EEA1: variants seen among roughly 807,000 people sequenced by gnomAD.
EEA1 encodes the protein early endosome antigen 1.
In EEA1, 111 loss-of-function variants were observed where a neutral mutation model predicts 209.2. The ratio of observed to expected loss-of-function variants is 0.53; its 90% CI spans 0.45 to 0.62. EEA1 has a LOEUF of 0.62. Among genes scored for constraint, EEA1 ranks in the 20% least tolerant of loss-of-function variants. EEA1 has a pLI of 0.00. For missense variants in EEA1, 1,343 were observed against 1,530.8 expected (o/e 0.88, Z 2.05); for synonymous variants, 536 against 540.6 (o/e 0.99, Z 0.12).
chr12:92,849,264 T>TGA (rs1877512632), intron 9 of EEA1, among the ~76,000 whole-genome samples: 3 of 152,218 alleles, frequency 2.0e-5, no homozygotes, highest in Non-Finnish European at 4.4e-5. Context: ...GAGTGTATTT[T>TGA]TTTTTAATTT....
At chr12:92,886,998 C>CAAAAACAAACA (rs34619189) in intron 2 of EEA1, among the ~76,000 whole-genome samples, 12 of 149,896 alleles carry the variant, frequency 8.0e-5, no homozygotes, top group Admixed American at 8.0e-4. Context: ...GACTCCATCT[C>CAAAAACAAACA]AACAAACAAA....
Position 92,832,813 on chromosome 12 carries a change from T to C in EEA1, c.953A>G (p.Tyr318Cys). 5 of 1,612,836 alleles carry C rather than the reference T, an allele frequency of 3.1e-6. No homozygotes were observed. Among genetic ancestry groups the C allele is most frequent in the Non-Finnish European group, 3.4e-6 (4 of 1,179,768 alleles). The change falls in exon 11 of 29, where the codon TAT (tyrosine) becomes TGT (cysteine). Residue 318 changes from tyrosine to cysteine, a missense_variant. Tyr to Cys is a radical substitution (Grantham distance 194, BLOSUM62 -2). Transcript: ENST00000322349. ...ATTATGTTTCTCCTCTAACTTAGTATAGTCTTGTTCTTTTTTCAGCAAGTT... is the reference window on the plus strand; with the variant it reads ...ATTATGTTTCTCCTCTAACTTAGTACAGTCTTGTTCTTTTTTCAGCAAGTT... Reference protein sequence around the residue: ...TENLLKKEQDYTKLEEKHNEE... With the variant: ...TENLLKKEQDCTKLEEKHNEE...
At chr12:92,887,734 A>C (rs1471685341) in intron 2 of EEA1, among the ~76,000 whole-genome samples, 2 of 152,242 alleles carry the variant, frequency 1.3e-5, no homozygotes, top group African/African-American at 4.8e-5. Flanking sequence ...AACTTAGAAT[A>C]GTTTGACTTA....
intron 1 of EEA1, among the ~76,000 whole-genome samples, chr12:92,923,996 A>G (rs1308369334): frequency 6.6e-6 from 1 of 152,080 alleles, no homozygotes; most frequent in Non-Finnish European, 1.5e-5. Flanking sequence ...CTATAATCCC[A>G]GCTATTCCTG....
intron 2 of EEA1, among the ~76,000 whole-genome samples, chr12:92,888,747 C>G (rs2136752401): frequency 6.6e-6 from 1 of 152,226 alleles, no homozygotes; most frequent in East Asian, 1.9e-4. Context: ...TAAATCTAAA[C>G]TAATGAACCA....
intron 1 of EEA1, among the ~76,000 whole-genome samples, chr12:92,917,388 C>T (rs1458416677): frequency 5.4e-5 from 8 of 147,562 alleles, no homozygotes; most frequent in Non-Finnish European, 1.2e-4. Flanking sequence ...AGACTAACAG[C>T]GGATCTCTCG....
chr12:92,790,413 G>A (rs553372176), intron 21 of EEA1, among the ~76,000 whole-genome samples: 1 of 152,258 alleles, frequency 6.6e-6, no homozygotes, highest in East Asian at 1.9e-4. Flanking sequence ...CTTTTTGAAT[G>A]ATGAATGGCT....
chr12:92,801,678 C>A lies in EEA1; in HGVS notation c.2694G>T (p.Lys898Asn). 6.3e-7 allele frequency: 1 copy of A among 1,588,506 alleles called. No homozygotes were observed. Among genetic ancestry groups the A allele is most frequent in the African/African-American group, 1.4e-5 (1 of 73,464 alleles). ...LDLEKTCKEL[K>N]HQLQVQMENT... ...TTTCCATCTGCACTTGAAGTTGATGCTTTAATTCTTTGCAAGTTTTTTCCT... is the reference window on the plus strand; with the variant it reads ...TTTCCATCTGCACTTGAAGTTGATGATTTAATTCTTTGCAAGTTTTTTCCT... The change falls in exon 20 of 29, where the codon AAG becomes AAT. Residue 898 changes from lysine (K) to asparagine (N), a missense_variant. Around this residue, in one of 3 missense-constraint regions of EEA1, gnomAD observed 1,307 missense variants for 1,465.5 expected, o/e 0.89. Transcript: ENST00000322349.
chr12:92,777,973 A>G lies in EEA1; in HGVS notation c.3861T>C (p.Asn1287=), dbSNP rs1414436879. 6.2e-7 allele frequency: 1 copy of G among 1,613,296 alleles called. No homozygotes were observed. The highest frequency in any genetic ancestry group is 1.3e-5 in the African/African-American group (1 of 74,986). ...GTAGTGCTCTCCTTTCATCTTGATT[A>G]TTCTGAACCGTTGCTTCTAATACTG... ...EIAVLEATVQ[N]NQDERRALLE... is the part of the protein sequence containing the mutation. Residue 1287 remains asparagine (N), a synonymous_variant, in exon 26 of 29, where the codon AAT becomes AAC. Coordinates refer to ENST00000322349, the MANE Select transcript of EEA1 (RefSeq NM_003566.4).
At chr12:92,796,708 T>C (rs1285644644) in intron 21 of EEA1, among the ~76,000 whole-genome samples, 3 of 152,210 alleles carry the variant, frequency 2.0e-5, no homozygotes, top group Non-Finnish European at 4.4e-5. Flanking sequence ...CCAGTGACAA[T>C]GATAACTTTG....
intron 1 of EEA1, among the ~76,000 whole-genome samples, chr12:92,908,330 A>AG (rs1440946808): frequency 6.6e-6 from 1 of 152,156 alleles, no homozygotes; most frequent in Admixed American, 6.5e-5. Context: ...AGGGGAGGGG[A>AG]GGAATGAAGA....
intron 22 of EEA1, among the ~76,000 whole-genome samples, chr12:92,786,162 C>A (rs1874123146): frequency 6.6e-6 from 1 of 152,134 alleles, no homozygotes; most frequent in Admixed American, 6.6e-5. Context: ...CCCACACCAC[C>A]ATCGTCTTGC....
chr12:92,817,803 A>G (rs1005224302), intron 14 of EEA1, among the ~76,000 whole-genome samples: 1 of 152,126 alleles, frequency 6.6e-6, no homozygotes, highest in African/African-American at 2.4e-5. Context: ...GTTCTACTGG[A>G]TCCTTTTAAG....
chr12:92,926,326 C>T (rs1216287613), intron 1 of EEA1, among the ~76,000 whole-genome samples: 1 of 152,098 alleles, frequency 6.6e-6, no homozygotes, highest in African/African-American at 2.4e-5. Context: ...GCACAGAGTC[C>T]ATTTCAAATA....
intron 1 of EEA1, among the ~76,000 whole-genome samples, chr12:92,906,983 C>T (rs896069518): frequency 4.6e-5 from 7 of 152,020 alleles, no homozygotes; most frequent in Non-Finnish European, 1.0e-4. Flanking sequence ...TTATGCAAGC[C>T]TTATACTAAA....
At chr12:92,900,900 C>G (rs1490206320) in intron 1 of EEA1, among the ~76,000 whole-genome samples, 1 of 152,124 alleles carries the variant, frequency 6.6e-6, no homozygotes, top group Non-Finnish European at 1.5e-5. Context: ...AAATCCTGAC[C>G]TCAACTGATC....
intron 21 of EEA1, among the ~76,000 whole-genome samples, chr12:92,797,938 T>A (rs1874731048): frequency 6.6e-6 from 1 of 152,176 alleles, no homozygotes. Context: ...CATGATATAT[T>A]TAGTTTATTC....
At chr12:92,874,303 G>C (rs990694010) in intron 2 of EEA1, among the ~76,000 whole-genome samples, 12 of 152,104 alleles carry the variant, frequency 7.9e-5, no homozygotes, top group African/African-American at 2.9e-4. Flanking sequence ...CCAGGCAATA[G>C]AGTGAGACCC....
chr12:92,793,201 T>C (rs1874492371), intron 21 of EEA1, among the ~76,000 whole-genome samples: 1 of 152,172 alleles, frequency 6.6e-6, no homozygotes, highest in African/African-American at 2.4e-5. Context: ...ACTGGAAGCA[T>C]TCCCTTTAAA....
Sources: allele counts gnomAD v4.1 joint callset (sites outside exome capture counted in the v4.1 genomes callset), GRCh38; gene constraint gnomAD v4.1.1; regional missense constraint gnomAD v4.1.1; transcripts MANE v1.5; gene names NCBI Gene and HGNC (gene_info 2026-07-23, HGNC 2026-07-21).